ACYP2: variants seen among roughly 807,000 people sequenced by gnomAD.
The protein encoded by ACYP2 is acylphosphatase-2.
In ACYP2, 12 loss-of-function variants were observed where a neutral mutation model predicts 11.2. That is an observed-to-expected ratio of 1.08 (90% CI 0.69 to 1.74). The LOEUF (loss-of-function observed/expected upper bound fraction) is 1.74. Ranked by LOEUF, ACYP2 falls within the 40% of genes most tolerant of loss-of-function variation. The pLI is 0.00. For missense variants in ACYP2, 134 were observed against 101.9 expected (o/e 1.31, Z -1.35); for synonymous variants, 43 against 32.2 (o/e 1.33, Z -1.13).
intron 1 of ACYP2, among the ~76,000 whole-genome samples, chr2:53,972,388 C>T (rs1007600299): frequency 6.6e-6 from 1 of 151,454 alleles, no homozygotes; most frequent in Non-Finnish European, 1.5e-5. Flanking sequence ...GGGTGGATCA[C>T]GGGGTCAGGA....
chr2:54,032,928 T>A (rs1380174151), intron 2 of ACYP2, among the ~76,000 whole-genome samples: 1 of 152,058 alleles, frequency 6.6e-6, no homozygotes, highest in Non-Finnish European at 1.5e-5. Flanking sequence ...GGGACCTGAA[T>A]GAGAAGGAGT....
chr2:54,231,917 G>A lies in ACYP2; in HGVS notation c.405-72771G>A, dbSNP rs73934410. 6.5e-3 allele frequency among the ~76,000 whole-genome samples: 989 copies of A among 152,298 alleles called. 13 individuals are homozygous for A. The highest frequency in any genetic ancestry group is 0.021 in the African/African-American group (879 of 41,566). ...ACATATGTTATTTCATTTAATAACAGCAATCCTTTCAGGAAATTTTGGTTT... is the reference window on the plus strand; with the variant it reads ...ACATATGTTATTTCATTTAATAACAACAATCCTTTCAGGAAATTTTGGTTT... On this transcript the variant is annotated intron_variant, in intron 6 of 6. Transcript: ENST00000607452.
intron 6 of ACYP2, among the ~76,000 whole-genome samples, chr2:54,287,013 C>T (rs1036070783): frequency 1.3e-5 from 2 of 152,142 alleles, no homozygotes; most frequent in Non-Finnish European, 1.5e-5. Context: ...GATTTAAAAA[C>T]ATGTTCCCCA....
intron 6 of ACYP2, among the ~76,000 whole-genome samples, chr2:54,237,821 G>C (rs1252878272): frequency 6.6e-6 from 1 of 152,014 alleles, no homozygotes; most frequent in Non-Finnish European, 1.5e-5. Context: ...TTATCTTCTT[G>C]AATATGCCTC....
intron 4 of ACYP2, among the ~76,000 whole-genome samples, chr2:54,068,310 T>C (rs974552828): frequency 6.6e-6 from 1 of 152,208 alleles, no homozygotes; most frequent in African/African-American, 2.4e-5. Context: ...AAAAGACCCG[T>C]TGAATACTTC....
chr2:54,200,000 A>C (rs1684690756), intron 6 of ACYP2, among the ~76,000 whole-genome samples: 1 of 152,254 alleles, frequency 6.6e-6, no homozygotes, highest in Admixed American at 6.5e-5. Flanking sequence ...AAACCTAGTT[A>C]ACAAATATTC....
At chr2:54,291,055 C>T (rs1159383856) in intron 6 of ACYP2, among the ~76,000 whole-genome samples, 3 of 152,164 alleles carry the variant, frequency 2.0e-5, no homozygotes, top group Non-Finnish European at 4.4e-5. Context: ...CCCCCTCACT[C>T]TAAAACCATG....
intron 2 of ACYP2, among the ~76,000 whole-genome samples, chr2:54,026,755 A>T (rs1341906012): frequency 2.0e-5 from 3 of 152,242 alleles, no homozygotes; most frequent in Non-Finnish European, 2.9e-5. Flanking sequence ...TGGCATTTGC[A>T]GCAACCTGGA....
intron 6 of ACYP2, among the ~76,000 whole-genome samples, chr2:54,247,494 C>T (rs1055144004): frequency 1.3e-5 from 2 of 152,044 alleles, no homozygotes; most frequent in African/African-American, 4.8e-5. Context: ...TGATTTTAGC[C>T]AACAGTGAAA....
At chr2:54,202,801 G>C (rs1038969589) in intron 6 of ACYP2, among the ~76,000 whole-genome samples, 3 of 131,182 alleles carry the variant, frequency 2.3e-5, no homozygotes, top group Admixed American at 8.8e-5. Flanking sequence ...GGGCTCAAGT[G>C]ATCCTTCCAA....
chr2:54,255,940 A>G, intron 6 of ACYP2: 1 of 1,614,088 alleles, frequency 6.2e-7, no homozygotes, highest in Non-Finnish European at 8.5e-7. Flanking sequence ...CAAGATGTGG[A>G]AAGTATGGCC....
At chr2:54,121,441 G>C (rs943991629) in intron 4 of ACYP2, among the ~76,000 whole-genome samples, 2 of 152,188 alleles carry the variant, frequency 1.3e-5, no homozygotes, top group African/African-American at 4.8e-5. Context: ...TTTCACCGGA[G>C]ACCTGTCCCT....
intron 2 of ACYP2, among the ~76,000 whole-genome samples, chr2:54,015,627 C>T (rs1673637148): frequency 6.9e-6 from 1 of 145,360 alleles, no homozygotes; most frequent in South Asian, 2.2e-4. Context: ...CCAGCCTGGG[C>T]AACAGAGTGA....
chr2:54,162,734 A>AG (rs1682775499), intron 6 of ACYP2, among the ~76,000 whole-genome samples: 1 of 152,056 alleles, frequency 6.6e-6, no homozygotes, highest in Non-Finnish European at 1.5e-5. Flanking sequence ...TGGAGGCCAG[A>AG]GGGGGAAGAT....
Position 54,010,326 on chromosome 2 carries a change from A to G in ACYP2, c.62+36516A>G, listed in dbSNP as rs137947094. Among the ~76,000 whole-genome samples, 1,125 of 152,252 alleles carry G rather than the reference A, an allele frequency of 7.4e-3. 8 individuals are homozygous for G. Among genetic ancestry groups the G allele is most frequent in the Non-Finnish European group, 0.012 (830 of 68,014 alleles). ...TGGTGAAACCCTGTCTCTACTAAAA[A>G]TACAAAAATTAGTTGGGTGTGGTGG... On this transcript the variant is annotated intron_variant, in intron 2 of 6. Coordinates refer to ENST00000607452, the MANE Select transcript of ACYP2 (RefSeq NM_001320586.2).
chr2:54,037,289 A>G (rs559955609), intron 2 of ACYP2, among the ~76,000 whole-genome samples: 3 of 151,668 alleles, frequency 2.0e-5, no homozygotes, highest in Non-Finnish European at 4.4e-5. Flanking sequence ...ATTTTTTTGT[A>G]TTTTTGGTAG....
At chr2:54,165,525 TCTCTCTCTCTCA>T (rs1367102748) in intron 6 of ACYP2, among the ~76,000 whole-genome samples, 3 of 135,408 alleles carry the variant, frequency 2.2e-5, no homozygotes, top group Admixed American at 7.4e-5. Flanking sequence ...ACTCTCTCTC[TCTCTCTCTCTCA>T]CACACACACA....
intron 4 of ACYP2, among the ~76,000 whole-genome samples, chr2:54,067,731 T>A (rs1676817470): frequency 6.6e-6 from 1 of 152,186 alleles, no homozygotes; most frequent in African/African-American, 2.4e-5. Flanking sequence ...ATGCAAGATG[T>A]CCCACACTTA....
intron 6 of ACYP2, among the ~76,000 whole-genome samples, chr2:54,182,555 C>T (rs931565655): frequency 1.3e-5 from 2 of 152,068 alleles, no homozygotes; most frequent in African/African-American, 2.4e-5. Context: ...CCAGGCTGGT[C>T]TTGAACTCCT....
Sources: gnomAD v4.1 joint callset for allele counts (sites outside exome capture counted in the v4.1 genomes callset) on GRCh38, gnomAD v4.1.1 for gene constraint, MANE v1.5 for transcripts, NCBI Gene and HGNC (gene_info 2026-07-23, HGNC 2026-07-21) for gene names.